The following ALKBH6 variants were observed in gnomAD, a reference collection of about 807,000 sequenced individuals.
ALKBH6 encodes the protein probable RNA/DNA demethylase ALKBH6.
In ALKBH6, 20 loss-of-function variants were observed where a neutral mutation model predicts 25.1. The ratio of observed to expected loss-of-function variants is 0.80; its 90% CI spans 0.56 to 1.16. The LOEUF is 1.16. ALKBH6 is among the 50% of genes most tolerant of loss of function. The pLI is 0.00. For synonymous variants in ALKBH6, 156 were observed against 147.5 expected (o/e 1.06, Z -0.42); for missense variants, 263 against 326.5 (o/e 0.81, Z 1.50).
chr19:36,013,203 G>T lies in ALKBH6; in HGVS notation c.55-114C>A. The T allele has an allele frequency of 6.9e-7, 1 of 1,440,354 alleles. No individual in the cohort carries two copies. Among genetic ancestry groups the T allele is most frequent in the Non-Finnish European group, 9.7e-7 (1 of 1,028,782 alleles). The allele number at this position is 1,440,354 out of a possible 1,614,324, so 89.2% of individuals were successfully genotyped here. A position where few individuals can be genotyped will look rare whatever the true frequency, so the allele number is the denominator to read the frequency against. ...GCTCAGGATGTCCTCAGACAGGTCA[G>T]GGTCTAAAGTCAAGGGACCAGTGCC... On this transcript the variant is annotated intron_variant, in intron 2 of 6. Coordinates refer to ENST00000378875, the MANE Select transcript of ALKBH6 (RefSeq NM_032878.5). This position sits in a 1 kb window ranked among gnomAD's most constrained non-coding sequence, Gnocchi z 4.6.
rs774366486 is a variant in ALKBH6 at position 36,013,013 on chromosome 19, G to T, written c.123+8C>A. ...TGGGAAAACAGACCAGTAGGGCACT[G>T]AGGTCACCTGTCGAAGCAAATACTC... On this transcript the variant is annotated splice_region_variant and intron_variant, in intron 3 of 6. Transcript: ENST00000378875. This position sits in a 1 kb window ranked among gnomAD's most constrained non-coding sequence, Gnocchi z 4.6. The T allele has an allele frequency of 3.1e-6, 5 of 1,611,148 alleles. No homozygotes were observed. The African/African-American group carries it at 6.7e-5, about 22-fold the overall frequency.
chr19:36,011,555 A>T, intron 3 of ALKBH6, 91 bp from the exon 4 acceptor site: 2 of 1,378,336 alleles, frequency 1.5e-6, no homozygotes, highest in South Asian at 1.2e-5. Context: ...TACCTCCGGG[A>T]TGGAAATGGG....
chr19:36,013,327 C>G lies in ALKBH6; in HGVS notation c.54+17G>C, dbSNP rs764583748. The G allele has an allele frequency of 1.1e-5, 17 of 1,613,830 alleles. 1 individual carries two copies. In the Admixed American group the frequency reaches 1.7e-4, roughly 16 times the overall value. ...CAGCCTGCCTCCTTCACCCTCTGCA[C>G]CCTGAGTTCTGACAACCTGCTCCAC... On this transcript the variant is annotated intron_variant, in intron 2 of 6. Transcript: ENST00000378875. This position sits in a 1 kb window ranked among gnomAD's most constrained non-coding sequence, Gnocchi z 4.6.
intron 6 of ALKBH6, among the ~76,000 whole-genome samples, chr19:36,009,920 A>G (rs908360361): frequency 1.3e-5 from 2 of 152,020 alleles, no homozygotes; most frequent in African/African-American, 4.8e-5. Flanking sequence ...GGGCTGAGAG[A>G]GCATGGCTGA....
chr19:36,013,797 T>C lies in ALKBH6; in HGVS notation c.-25-375A>G. 7.9e-7 allele frequency: 1 copy of C among 1,273,346 alleles called. No homozygotes were observed. The highest frequency in any genetic ancestry group is 9.9e-7 in the Non-Finnish European group (1 of 1,007,932). 78.9% of individuals were successfully genotyped at this position (1,273,346 alleles called of 1,614,324 possible). On this transcript the variant is annotated intron_variant, in intron 1 of 6. Coordinates refer to ENST00000378875, the MANE Select transcript of ALKBH6 (RefSeq NM_032878.5). The surrounding 1 kb of genome is among the most constrained non-coding windows in gnomAD (Gnocchi z 4.6). ...CCCTTTAAACACCTTGAGACCCCGC[T>C]TCAGACCTGCAACTGTGAGCCCGGC...
chr19:36,013,265 G>A lies in ALKBH6; in HGVS notation c.54+79C>T, dbSNP rs770042314. On this transcript the variant is annotated intron_variant, in intron 2 of 6. Coordinates refer to ENST00000378875, the MANE Select transcript of ALKBH6 (RefSeq NM_032878.5). This position sits in a 1 kb window ranked among gnomAD's most constrained non-coding sequence, Gnocchi z 4.6. ...GACTCTGACAGTAAGAATGAATTTG[G>A]TGGAAGGGGGCAGTCCCAACCCAAG... The A allele has an allele frequency of 1.6e-5, 25 of 1,568,310 alleles. 1 individual carries two copies. In the Admixed American group the frequency reaches 4.2e-4, roughly 26 times the overall value.
At chr19:36,009,955 T>G (rs1476818564) in intron 6 of ALKBH6, among the ~76,000 whole-genome samples, 1 of 150,312 alleles carries the variant, frequency 6.7e-6, no homozygotes, top group Non-Finnish European at 1.5e-5. Context: ...GAGGAGAGAG[T>G]GAGGCAGAGG....
chr19:36,010,498 C>T lies in ALKBH6; in HGVS notation c.453+69G>A. The T allele has an allele frequency of 7.3e-7, 1 of 1,360,602 alleles. No homozygotes were observed. The highest frequency in any genetic ancestry group is 1.0e-6 in the Non-Finnish European group (1 of 960,828). The allele number at this position is 1,360,602 out of a possible 1,614,324, so 84.3% of individuals were successfully genotyped here. ...GGAGTACCCCGAAGGCATGTGGGAC[C>T]AGGTCATCTTGGAGGATGTGCGAGG... On this transcript the variant is annotated intron_variant, in intron 6 of 6. Transcript: ENST00000378875. This position sits in a 1 kb window ranked among gnomAD's most constrained non-coding sequence, Gnocchi z 5.5.
rs960855540 is a variant in ALKBH6, at chr19:36,009,415, G to T, written c.592C>A (p.Pro198Thr). The change falls in exon 7 of 7, where the codon CCG becomes ACG. Residue 198 changes from proline to threonine, a missense_variant. Transcript: ENST00000378875. ...RVDALDAASS[P>T]PNAAACPSAR... The stretch of plus-strand genomic sequence containing the variant: ...GACGGGCAGGCTGCCGCATTGGGCG[G>T]CGAGGAGGCGGCGTCCAGCGCGTCT... The T allele has an allele frequency of 8.0e-6, 10 of 1,246,096 alleles. No individual in the cohort carries two copies. In the African/African-American group the frequency reaches 9.3e-5, roughly 12 times the overall value. 77.2% of individuals were successfully genotyped at this position (1,246,096 alleles called of 1,614,324 possible). A position where few individuals can be genotyped will look rare whatever the true frequency, so the allele number is the denominator to read the frequency against.
At chr19:36,011,709 G>A (rs1004406082) in intron 3 of ALKBH6, 7 of 447,814 alleles carry the variant, frequency 1.6e-5, no homozygotes, top group Non-Finnish European at 2.9e-5. Context: ...ACCGTGGTCT[G>A]AGAGTTGTGG....
intron 4 of ALKBH6, 74 bp from the exon 5 acceptor site, chr19:36,011,119 G>T: frequency 1.3e-6 from 2 of 1,532,336 alleles, no homozygotes; most frequent in South Asian, 2.4e-5. Context: ...ACAGTGGCTG[G>T]AAGCACCCTG....
In ALKBH6 at chr19:36,011,166, A is replaced by G. The variant is rs1968601297; in HGVS notation, c.185-121T>C. 3 of 1,374,346 alleles carry G rather than the reference A, an allele frequency of 2.2e-6. No homozygotes were observed. The South Asian group carries it at 4.1e-5, about 19-fold the overall frequency. The allele number at this position is 1,374,346 out of a possible 1,614,324, so 85.1% of individuals were successfully genotyped here. On this transcript the variant is annotated intron_variant, in intron 4 of 6. Coordinates refer to ENST00000378875, the MANE Select transcript of ALKBH6 (RefSeq NM_032878.5). ...GACCCCTGACCGTTTGGAGATAGCC[A>G]CTGGGTCCTTCAGAGGTTTCCTCAC...
intron 6 of ALKBH6, among the ~76,000 whole-genome samples, chr19:36,009,855 G>C (rs1422787436): frequency 6.6e-6 from 1 of 152,052 alleles, no homozygotes; most frequent in Non-Finnish European, 1.5e-5. Flanking sequence ...CAAAGGGGCT[G>C]AGGCTGGGGC....
chr19:36,014,221 C>G, upstream of ALKBH6: 1 of 1,612,900 alleles, frequency 6.2e-7, no homozygotes, highest in Non-Finnish European at 8.5e-7. Flanking sequence ...ATCCCCATCC[C>G]CCTCCCAGCC....
At position 36,013,901 on chromosome 19, in the gene ALKBH6, A is replaced by T; in HGVS notation, c.-26+274T>A. 1 of 1,350,330 alleles carries T rather than the reference A, an allele frequency of 7.4e-7. No individual in the cohort carries two copies. Among genetic ancestry groups the T allele is most frequent in the Non-Finnish European group, 9.5e-7 (1 of 1,056,120 alleles). The allele number at this position is 1,350,330 out of a possible 1,614,324, so 83.6% of individuals were successfully genotyped here. A position where few individuals can be genotyped will look rare whatever the true frequency, so the allele number is the denominator to read the frequency against. ...GTGACCCCAATCTGAGCCTCCTCAGACATGTCCACCCTCAGCCTCCTCGGA... is the reference window on the plus strand; with the variant it reads ...GTGACCCCAATCTGAGCCTCCTCAGTCATGTCCACCCTCAGCCTCCTCGGA... On this transcript the variant is annotated intron_variant, in intron 1 of 6. Transcript: ENST00000378875. The surrounding 1 kb of genome is among the most constrained non-coding windows in gnomAD (Gnocchi z 4.6).
At chr19:36,012,378 C>T (rs1212377255) in intron 3 of ALKBH6, 1 of 152,482 alleles carries the variant, frequency 6.6e-6, no homozygotes, top group African/African-American at 2.4e-5. Context: ...ATAATCTACT[C>T]ATTCCCTTCA....
intron 3 of ALKBH6, 66 bp from the exon 4 acceptor site, chr19:36,011,530 C>A: frequency 6.4e-7 from 1 of 1,551,040 alleles, no homozygotes; most frequent in Non-Finnish European, 8.9e-7. Flanking sequence ...CCACCTAGAC[C>A]AACATAGGGG....
Position 36,010,304 on chromosome 19 carries a change from A to G in ALKBH6, c.453+263T>C. 2.1e-6 allele frequency: 1 copy of G among 465,438 alleles called. No individual in the cohort carries two copies. Among genetic ancestry groups the G allele is most frequent in the Non-Finnish European group, 3.9e-6 (1 of 256,858 alleles). The allele number at this position is 465,438 out of a possible 1,614,324, so 28.8% of individuals were successfully genotyped here. A position where few individuals can be genotyped will look rare whatever the true frequency, so the allele number is the denominator to read the frequency against. On this transcript the variant is annotated intron_variant, in intron 6 of 6. Transcript: ENST00000378875. This position sits in a 1 kb window ranked among gnomAD's most constrained non-coding sequence, Gnocchi z 5.5. ...TGGCGGTGGGGTATCTAAGGATATC[A>G]GTGTCTGCTGGGGAGTCAGGGGTAT...
chr19:36,010,327 TA>T lies in ALKBH6; in HGVS notation c.453+239del. 1 of 526,362 alleles carries T rather than the reference TA, an allele frequency of 1.9e-6. No individual in the cohort carries two copies. The highest frequency in any genetic ancestry group is 3.4e-6 in the Non-Finnish European group (1 of 291,866). The allele number at this position is 526,362 out of a possible 1,614,324, so 32.6% of individuals were successfully genotyped here. A position where few individuals can be genotyped will look rare whatever the true frequency, so the allele number is the denominator to read the frequency against. The stretch of plus-strand genomic sequence containing the variant: ...TCAGTGTCTGCTGGGGAGTCAGGGG[TA>T]TCCATTCAGCAGGTTGGGGCATCGG... On this transcript the variant is annotated intron_variant, in intron 6 of 6. Coordinates refer to ENST00000378875, the MANE Select transcript of ALKBH6 (RefSeq NM_032878.5). The surrounding 1 kb of genome is among the most constrained non-coding windows in gnomAD (Gnocchi z 5.5).
Sources: gnomAD v4.1 joint callset for allele counts (sites outside exome capture counted in the v4.1 genomes callset) on GRCh38, gnomAD v4.1.1 for gene constraint, Gnocchi (gnomAD v3.1) non-coding constraint, MANE v1.5 for transcripts, NCBI Gene and HGNC (gene_info 2026-07-23, HGNC 2026-07-21) for gene names.